Variants in KIAA1217 observed in about 807,000 individuals in gnomAD.
KIAA1217 encodes sickle tail protein homolog.
Under a neutral mutation model 163.9 loss-of-function variants are expected in KIAA1217, and 88 were observed. The observed-to-expected ratio is 0.54, with a 90% CI of 0.45 to 0.64. The LOEUF (loss-of-function observed/expected upper bound fraction) is 0.64, where lower values mean the gene tolerates loss of function less well. KIAA1217 is among the 30% of genes least tolerant of loss of function. KIAA1217 has a pLI of 0.00. For synonymous variants in KIAA1217, 903 were observed against 923.1 expected, an observed-to-expected ratio of 0.98 and a Z score of 0.39; for missense variants, 2,372 against 2,475.0, an observed-to-expected ratio of 0.96 and a Z score of 0.88.
chr10:24,350,982 C>T (rs920167977), intron 2 of KIAA1217, among the ~76,000 whole-genome samples: 6 of 151,946 alleles, frequency 3.9e-5, no homozygotes, highest in South Asian at 2.1e-4. Flanking sequence ...AGTCTCATTC[C>T]GTCACCAAGG....
chr10:23,963,918 A>G (rs1275799141), intron 1 of KIAA1217, among the ~76,000 whole-genome samples: 7 of 145,600 alleles, frequency 4.8e-5, no homozygotes, highest in East Asian at 4.0e-4. Flanking sequence ...TTTTTGAGAC[A>G]GAGTCTCATT....
intron 2 of KIAA1217, among the ~76,000 whole-genome samples, chr10:24,175,900 G>A (rs564939446): frequency 4.6e-5 from 7 of 152,218 alleles, no homozygotes; most frequent in South Asian, 2.1e-4. Flanking sequence ...TCCACCATGA[G>A]TGTTACAGCT....
At chr10:24,468,297 G>A (rs1450740691) in intron 5 of KIAA1217, among the ~76,000 whole-genome samples, 1 of 152,148 alleles carries the variant, frequency 6.6e-6, no homozygotes, top group Non-Finnish European at 1.5e-5. Context: ...GTTCATTCTA[G>A]TTGTGGTTTT....
At chr10:24,390,505 G>T (rs71493382) in intron 3 of KIAA1217, among the ~76,000 whole-genome samples, 4 of 144,634 alleles carry the variant, frequency 2.8e-5, no homozygotes, top group Non-Finnish European at 6.0e-5. Flanking sequence ...AGGAAGGAAG[G>T]AAGGAAGGAA....
At chr10:23,905,180 G>T (rs1842107445) in intron 1 of KIAA1217, among the ~76,000 whole-genome samples, 1 of 12,702 alleles carries the variant, frequency 7.9e-5, no homozygotes, top group Admixed American at 1.3e-3. Flanking sequence ...CACAGAAGGG[G>T]CTGCTTTTTT....
intron 1 of KIAA1217, among the ~76,000 whole-genome samples, chr10:23,878,875 C>T (rs538885650): frequency 4.6e-5 from 7 of 151,906 alleles, no homozygotes; most frequent in Admixed American, 6.6e-5. Flanking sequence ...GAAAAAAGAT[C>T]GGGTTGACTC....
At chr10:24,491,457 T>C (rs2066137045) in intron 6 of KIAA1217, among the ~76,000 whole-genome samples, 1 of 151,798 alleles carries the variant, frequency 6.6e-6, no homozygotes, top group Non-Finnish European at 1.5e-5. Flanking sequence ...ACCCAGCTAA[T>C]TTTTGTATTT....
At chr10:24,313,390 G>A (rs1195467770) in intron 2 of KIAA1217, among the ~76,000 whole-genome samples, 9 of 152,162 alleles carry the variant, frequency 5.9e-5, no homozygotes, top group Non-Finnish European at 1.2e-4. Context: ...GCGATTAAAT[G>A]TTCTTATTTC....
chr10:24,390,798 G>A (rs1379726316), intron 3 of KIAA1217, among the ~76,000 whole-genome samples: 1 of 152,158 alleles, frequency 6.6e-6, no homozygotes, highest in Non-Finnish European at 1.5e-5. Context: ...AGTGAAGCAT[G>A]TTTTGTGATA....
intron 1 of KIAA1217, among the ~76,000 whole-genome samples, chr10:23,987,227 A>G (rs1846010016): frequency 6.6e-6 from 1 of 151,916 alleles, no homozygotes; most frequent in Non-Finnish European, 1.5e-5. Flanking sequence ...AATACAAAAA[A>G]TTAGCCGGGT....
intron 1 of KIAA1217, among the ~76,000 whole-genome samples, chr10:23,817,998 T>TATATATAC: frequency 9.6e-6 from 1 of 103,724 alleles, no homozygotes; most frequent in South Asian, 2.8e-4. Context: ...TATATATATA[T>TATATATAC]ATATATATAT....
At chr10:23,934,921 T>C (rs927032687) in intron 1 of KIAA1217, among the ~76,000 whole-genome samples, 2 of 151,790 alleles carry the variant, frequency 1.3e-5, no homozygotes, top group African/African-American at 4.8e-5. Context: ...CTAGCCAAAG[T>C]ATATTTTTTT....
chr10:24,343,469 T>G (rs1046382883), intron 2 of KIAA1217, among the ~76,000 whole-genome samples: 2 of 152,206 alleles, frequency 1.3e-5, no homozygotes, highest in African/African-American at 2.4e-5. Context: ...ATGAGGTTTT[T>G]GGGGGGTATT....
chr10:23,940,176 T>C (rs974033905), intron 1 of KIAA1217, among the ~76,000 whole-genome samples: 10 of 151,802 alleles, frequency 6.6e-5, no homozygotes, highest in Non-Finnish European at 1.5e-4. Context: ...ATTTCAGCAG[T>C]TGGCTGAGTG....
chr10:23,978,566 T>C (rs1845635663), intron 1 of KIAA1217, among the ~76,000 whole-genome samples: 1 of 152,120 alleles, frequency 6.6e-6, no homozygotes, highest in Admixed American at 6.5e-5. Context: ...TGGGTCTGCT[T>C]TTAGAGCACA....
At chr10:24,096,652 A>AT (rs899963029) in intron 2 of KIAA1217, among the ~76,000 whole-genome samples, 15 of 151,456 alleles carry the variant, frequency 9.9e-5, no homozygotes, top group African/African-American at 1.9e-4. Context: ...CCTGCAGCAA[A>AT]TTTTTTTTAC....
intron 3 of KIAA1217, among the ~76,000 whole-genome samples, chr10:24,392,934 CATT>C (rs2130858949): frequency 6.6e-6 from 1 of 152,150 alleles, no homozygotes; most frequent in East Asian, 1.9e-4. Flanking sequence ...ATATTACACA[CATT>C]ATTTTTTTTT....
intron 1 of KIAA1217, among the ~76,000 whole-genome samples, chr10:23,862,375 C>CAG (rs1839994988): frequency 1.3e-5 from 2 of 152,008 alleles, no homozygotes; most frequent in Admixed American, 1.3e-4. Context: ...AAAAATTAGG[C>CAG]AGAGAGAGAG....
At chr10:23,848,760 C>G (rs1284541832) in intron 1 of KIAA1217, among the ~76,000 whole-genome samples, 1 of 152,052 alleles carries the variant, frequency 6.6e-6, no homozygotes, top group Non-Finnish European at 1.5e-5. Flanking sequence ...ACTTGGAGGA[C>G]AGTTACTGTC....
Sources: allele counts gnomAD v4.1 joint callset (sites outside exome capture counted in the v4.1 genomes callset), GRCh38; gene constraint gnomAD v4.1.1; transcripts MANE v1.5; gene names NCBI Gene and HGNC (gene_info 2026-07-23, HGNC 2026-07-21).